The following AOPEP variants were observed in gnomAD, a reference collection of about 807,000 sequenced individuals.
AOPEP encodes aminopeptidase O.
In AOPEP, 77 loss-of-function variants were observed where a neutral mutation model predicts 98.1. The ratio of observed to expected loss-of-function variants is 0.78; its 90% confidence interval spans 0.65 to 0.95. The LOEUF (loss-of-function observed/expected upper bound fraction) is 0.95. AOPEP is among the 40% of genes least tolerant of loss of function. The pLI is 0.00. For synonymous variants in AOPEP, 346 were observed against 365.3 expected, an observed-to-expected ratio of 0.95 and a Z score of 0.60; for missense variants, 1,024 against 1,024.7, an observed-to-expected ratio of 1.00 and a Z score of 0.01.
intron 11 of AOPEP, among the ~76,000 whole-genome samples, chr9:94,986,243 T>C (rs1402340157): frequency 1.3e-5 from 2 of 152,186 alleles, no homozygotes; most frequent in African/African-American, 4.8e-5. Flanking sequence ...TGTCTGTCCT[T>C]ACCTGCTCTT....
chr9:95,066,487 T>C (rs2134001885), intron 14 of AOPEP, among the ~76,000 whole-genome samples: 2 of 152,386 alleles, frequency 1.3e-5, no homozygotes, highest in Middle Eastern at 6.8e-3. Flanking sequence ...CTAATTTTTC[T>C]TAAATGGTCA....
chr9:95,141,629 T>C, the AOPEP span, among the ~76,000 whole-genome samples: 1 of 152,238 alleles, frequency 6.6e-6, no homozygotes, highest in Non-Finnish European at 1.5e-5. Context: ...GCTACAGCGA[T>C]GCTGAGGGTA....
At chr9:95,085,486 G>C (rs1225505202) in intron 16 of AOPEP, 2 of 532,892 alleles carry the variant, frequency 3.8e-6, no homozygotes, top group Non-Finnish European at 7.7e-6. Context: ...TTGGTGAACA[G>C]TGATTGGTTT....
chr9:95,049,249 G>A (rs1196463361), intron 13 of AOPEP, among the ~76,000 whole-genome samples: 1 of 152,202 alleles, frequency 6.6e-6, no homozygotes, highest in Non-Finnish European at 1.5e-5. Context: ...GCTTCACTTT[G>A]GAGTAAAGGT....
At chr9:94,846,204 A>T (rs1333200939) in intron 5 of AOPEP, among the ~76,000 whole-genome samples, 1 of 152,080 alleles carries the variant, frequency 6.6e-6, no homozygotes, top group Non-Finnish European at 1.5e-5. Flanking sequence ...CAGGATACAG[A>T]TGGTATTTGA....
intron 5 of AOPEP, among the ~76,000 whole-genome samples, chr9:94,810,867 C>T (rs1031111550): frequency 1.3e-5 from 2 of 152,138 alleles, no homozygotes; most frequent in South Asian, 4.1e-4. Context: ...GGGGCCCCTT[C>T]TTTTCATAAT....
the AOPEP span, among the ~76,000 whole-genome samples, chr9:95,115,440 C>T: frequency 6.6e-6 from 1 of 152,168 alleles, no homozygotes; most frequent in African/African-American, 2.4e-5. Context: ...GAATAGACTG[C>T]CTGACTGCTT....
At chr9:95,003,672 A>G (rs1325342577) in intron 11 of AOPEP, among the ~76,000 whole-genome samples, 1 of 152,250 alleles carries the variant, frequency 6.6e-6, no homozygotes, top group Non-Finnish European at 1.5e-5. Context: ...TTACAGTAAA[A>G]AATTGTATAT....
At position 95,069,330 on chromosome 9, in the gene AOPEP, C is replaced by T. The variant is rs192902644; in HGVS notation, c.2232+8520C>T. On this transcript the variant is annotated intron_variant, in intron 14 of 16. Transcript: ENST00000375315. ...CTGCAGGGCTTATTAGAGGAGGTAACGATGGTCACTGTTTCTGCCAGCAGT... is the reference window on the plus strand; with the variant it reads ...CTGCAGGGCTTATTAGAGGAGGTAATGATGGTCACTGTTTCTGCCAGCAGT... Among the ~76,000 whole-genome samples the T allele has an allele frequency of 8.9e-4, 135 of 152,258 alleles. 5 individuals carry two copies. The South Asian group carries it at 0.023, about 26-fold the overall frequency.
At position 94,760,511 on chromosome 9, in the gene AOPEP, C is replaced by A; in HGVS notation, c.728C>A (p.Ala243Asp). 3 of 1,605,366 alleles carry A rather than the reference C, an allele frequency of 1.9e-6. No individual in the cohort carries two copies. The highest frequency in any genetic ancestry group is 1.1e-5 in the South Asian group (1 of 89,360). ...GAQTATDFPHAIRIWYKTKPE... is the reference protein window; with the variant it reads ...GAQTATDFPHDIRIWYKTKPE... ...CAGACAGCTACTGACTTTCCTCATG[C>A]TATCAGGATATGGTACAAAACTAAA... Residue 243 changes from alanine to aspartate, a missense_variant, in exon 2 of 17, where the codon GCT (alanine) becomes GAT (aspartate). Coordinates refer to ENST00000375315, the MANE Select transcript of AOPEP (RefSeq NM_001193329.3).
intron 5 of AOPEP, among the ~76,000 whole-genome samples, chr9:94,866,672 AAAC>A (rs2045740651): frequency 6.6e-6 from 1 of 152,186 alleles, no homozygotes; most frequent in South Asian, 2.1e-4. Flanking sequence ...ATTTTTATAA[AAAC>A]AATTTATTTG....
At chr9:94,728,239 G>GCACACACACAACA (rs1554690347) in intron 1 of AOPEP, among the ~76,000 whole-genome samples, 1 of 146,512 alleles carries the variant, frequency 6.8e-6, no homozygotes, top group Non-Finnish European at 1.5e-5. Context: ...GTGCGCGCAT[G>GCACACACACAACA]CACACACACA....
chr9:95,015,251 G>A (rs921146255), intron 13 of AOPEP, among the ~76,000 whole-genome samples: 5 of 152,196 alleles, frequency 3.3e-5, no homozygotes, highest in African/African-American at 9.7e-5. Context: ...GGGTTTGATT[G>A]ATGTATATGT....
At chr9:95,037,000 C>A (rs901735607) in intron 13 of AOPEP, among the ~76,000 whole-genome samples, 17 of 152,160 alleles carry the variant, frequency 1.1e-4, no homozygotes, top group African/African-American at 4.1e-4. Context: ...GTGGTAACAT[C>A]TCTGTGTACT....
At chr9:95,085,078 G>A in intron 16 of AOPEP, 1 of 365,032 alleles carries the variant, frequency 2.7e-6, no homozygotes, top group South Asian at 2.1e-5. Context: ...ATACCTCTAG[G>A]ATGCCAACTA....
chr9:94,772,344 A>G (rs1275097872), intron 2 of AOPEP, among the ~76,000 whole-genome samples: 1 of 152,184 alleles, frequency 6.6e-6, no homozygotes, highest in African/African-American at 2.4e-5. Flanking sequence ...ATCGCAGCAG[A>G]ATGAGTCCTA....
chr9:94,933,666 T>A, intron 7 of AOPEP: 9 of 985,434 alleles, frequency 9.1e-6, no homozygotes, highest in Non-Finnish European at 1.1e-5. Context: ...AAAGTCTGCA[T>A]GCCACAAGTG....
At chr9:95,005,453 G>A (rs1589236302) in intron 12 of AOPEP, 89 bp from the exon 13 acceptor site, 1 of 1,310,270 alleles carries the variant, frequency 7.6e-7, no homozygotes. Flanking sequence ...ACCAGGTCGC[G>A]AGGCCGGGGG....
chr9:95,100,687 G>A, the AOPEP span: 4 of 229,208 alleles, frequency 1.7e-5, no homozygotes, highest in African/African-American at 8.8e-5. Flanking sequence ...CTGGAGTGCA[G>A]TGTCATGATC....
Sources: gnomAD v4.1 joint callset for allele counts (sites outside exome capture counted in the v4.1 genomes callset) on GRCh38, gnomAD v4.1.1 for gene constraint, MANE v1.5 for transcripts, NCBI Gene and HGNC (gene_info 2026-07-23, HGNC 2026-07-21) for gene names.